Variants in FHIT observed in about 807,000 individuals in gnomAD.
FHIT encodes the protein fragile histidine triad diadenosine triphosphatase.
Under a neutral mutation model 17.9 loss-of-function variants are expected in FHIT, and 19 were observed. The ratio of observed to expected loss-of-function variants is 1.06; its 90% confidence interval spans 0.74 to 1.56. FHIT has a LOEUF of 1.56. Among genes scored for constraint, FHIT ranks in the 40% most tolerant of loss-of-function variants. The pLI is 0.00. For synonymous variants in FHIT, 81 were observed against 69.7 expected, an observed-to-expected ratio of 1.16 and a Z score of -0.81; for missense variants, 248 against 189.2, an observed-to-expected ratio of 1.31 and a Z score of -1.82.
intron 2 of FHIT, among the ~76,000 whole-genome samples, chr3:61,100,065 C>T (rs1248495989): frequency 6.6e-6 from 1 of 151,584 alleles, no homozygotes; most frequent in Admixed American, 6.6e-5. Flanking sequence ...AGCATCTTTT[C>T]TTTTTTTTAT....
chr3:60,308,496 GTATATATA>G (rs5849349), intron 5 of FHIT, among the ~76,000 whole-genome samples: 47,336 of 140,572 alleles, frequency 0.34, 8,528 homozygotes, highest in African/African-American at 0.47. Context: ...AGGTGTATGT[GTATATATA>G]TATATATATA....
At chr3:60,753,041 T>G (rs2042501282) in intron 4 of FHIT, among the ~76,000 whole-genome samples, 1 of 152,232 alleles carries the variant, frequency 6.6e-6, no homozygotes, top group Non-Finnish European at 1.5e-5. Flanking sequence ...GAACTAGTTG[T>G]GTTGTTGGCT....
intron 5 of FHIT, among the ~76,000 whole-genome samples, chr3:60,502,127 G>C (rs1284412817): frequency 6.6e-6 from 1 of 152,334 alleles, no homozygotes; most frequent in East Asian, 1.9e-4. Flanking sequence ...AAAAGTGATA[G>C]TAGTTATCAC....
chr3:60,827,885 G>C (rs1297907798), intron 3 of FHIT, among the ~76,000 whole-genome samples: 1 of 152,196 alleles, frequency 6.6e-6, no homozygotes, highest in African/African-American at 2.4e-5. Flanking sequence ...TGCTATTTTG[G>C]GTTGTCACAG....
intron 3 of FHIT, among the ~76,000 whole-genome samples, chr3:61,021,871 T>G (rs1206101462): frequency 3.3e-5 from 5 of 152,088 alleles, no homozygotes; most frequent in Admixed American, 3.3e-4. Context: ...TGTATAGCAC[T>G]AAATGCTCAC....
At chr3:60,418,787 G>C (rs923712621) in intron 5 of FHIT, among the ~76,000 whole-genome samples, 4 of 151,628 alleles carry the variant, frequency 2.6e-5, no homozygotes, top group African/African-American at 4.9e-5. Flanking sequence ...TACATGTACT[G>C]ATATGGAAAG....
chr3:60,408,599 ACAAT>A (rs1317056425), intron 5 of FHIT, among the ~76,000 whole-genome samples: 4 of 152,190 alleles, frequency 2.6e-5, no homozygotes, highest in Non-Finnish European at 5.9e-5. Flanking sequence ...ATTAGGAGAG[ACAAT>A]CAGGGAGAGA....
chr3:60,277,888 T>C (rs1559782818), intron 5 of FHIT, among the ~76,000 whole-genome samples: 1 of 152,266 alleles, frequency 6.6e-6, no homozygotes, highest in South Asian at 2.1e-4. Context: ...ACTGCTTCAC[T>C]GCAATTTGCA....
rs574751949 is a variant in FHIT, at chr3:60,747,000, G to T, written c.-18+74919C>A. Among the ~76,000 whole-genome samples, 7 of 152,064 alleles carry T rather than the reference G, an allele frequency of 4.6e-5. No homozygotes were observed. In the South Asian group the frequency reaches 1.2e-3, roughly 27 times the overall value. On this transcript the variant is annotated intron_variant, in intron 4 of 9. Coordinates refer to ENST00000492590, the MANE Select transcript of FHIT (RefSeq NM_002012.4). Reference sequence around the variant, plus strand: ...TACCAGATGTAGGTACTGTAACCAGGCATGATTAACAGTAGAAAGAACTGA... The same window carrying T: ...TACCAGATGTAGGTACTGTAACCAGTCATGATTAACAGTAGAAAGAACTGA...
chr3:60,996,359 T>C (rs1379199735), intron 3 of FHIT, among the ~76,000 whole-genome samples: 1 of 152,188 alleles, frequency 6.6e-6, no homozygotes, highest in Admixed American at 6.5e-5. Context: ...TGATGAAATG[T>C]TCTAAAGGTG....
chr3:60,108,305 C>T (rs1704515850), intron 5 of FHIT, among the ~76,000 whole-genome samples: 1 of 152,170 alleles, frequency 6.6e-6, no homozygotes, highest in African/African-American at 2.4e-5. Flanking sequence ...CTTGCAGAAG[C>T]AACTATTGAG....
rs202082953 is a variant in FHIT, at chr3:59,896,290, C to A, written c.348+26056G>T. 2.0e-4 allele frequency among the ~76,000 whole-genome samples: 31 copies of A among 152,014 alleles called. 1 individual carries two copies. In the East Asian group the frequency reaches 5.4e-3, roughly 27 times the overall value. On this transcript the variant is annotated intron_variant, in intron 8 of 9. Transcript: ENST00000492590. The stretch of plus-strand genomic sequence containing the variant: ...ATGAATAGATAACTGAGGAATAAAT[C>A]GATGAAATAAACAGTTCATATACAT...
chr3:60,241,121 C>G (rs1576356589), intron 5 of FHIT, among the ~76,000 whole-genome samples: 1 of 152,114 alleles, frequency 6.6e-6, no homozygotes. Flanking sequence ...TGGGGAATCA[C>G]TTCACTGAAG....
At chr3:60,665,119 G>C (rs2040351531) in intron 4 of FHIT, among the ~76,000 whole-genome samples, 1 of 151,894 alleles carries the variant, frequency 6.6e-6, no homozygotes, top group South Asian at 2.1e-4. Flanking sequence ...TCATGTTTTA[G>C]AGATTTTTCT....
intron 7 of FHIT, among the ~76,000 whole-genome samples, chr3:59,929,537 A>AT (rs935182666): frequency 2.5e-4 from 37 of 149,864 alleles, no homozygotes; most frequent in East Asian, 7.9e-4. Context: ...TGCCCGGCTA[A>AT]TTTTTTTTTG....
At chr3:60,537,685 C>T (rs1164711292) in intron 4 of FHIT, among the ~76,000 whole-genome samples, 2 of 152,080 alleles carry the variant, frequency 1.3e-5, no homozygotes, top group Non-Finnish European at 2.9e-5. Flanking sequence ...GAAAGGGAGG[C>T]TGAAGGGAAT....
intron 7 of FHIT, among the ~76,000 whole-genome samples, chr3:59,986,128 C>T (rs1166091441): frequency 2.0e-5 from 3 of 152,024 alleles, no homozygotes; most frequent in African/African-American, 4.8e-5. Flanking sequence ...TAGCGGTTCA[C>T]ACTTTATGGC....
At chr3:60,044,383 C>T (rs1221413798) in intron 5 of FHIT, among the ~76,000 whole-genome samples, 1 of 152,196 alleles carries the variant, frequency 6.6e-6, no homozygotes, top group South Asian at 2.1e-4. Flanking sequence ...ACTCCCAAAG[C>T]ATGCAGAACC....
intron 4 of FHIT, among the ~76,000 whole-genome samples, chr3:60,576,450 G>A (rs1410015697): frequency 6.6e-6 from 1 of 152,054 alleles, no homozygotes; most frequent in Non-Finnish European, 1.5e-5. Flanking sequence ...AATTCTTTAG[G>A]ATTCAATAAC....
Sources: allele counts gnomAD v4.1 joint callset (sites outside exome capture counted in the v4.1 genomes callset), GRCh38; gene constraint gnomAD v4.1.1; transcripts MANE v1.5; gene names NCBI Gene and HGNC (gene_info 2026-07-23, HGNC 2026-07-21).